CSMD1: variants seen among roughly 807,000 people sequenced by gnomAD.
CSMD1 encodes CUB and sushi domain-containing protein 1.
A neutral mutation model predicts 417.5 loss-of-function variants in CSMD1; 213 were observed. The observed-to-expected ratio is 0.51, with a 90% CI of 0.46 to 0.57. CSMD1 has a LOEUF of 0.57. Among genes scored for constraint, CSMD1 ranks in the 20% least tolerant of loss-of-function variants. CSMD1 has a pLI of 0.00. For synonymous variants in CSMD1, 2,862 were observed against 1,736.8 expected (o/e 1.65, Z -16.11); for missense variants, 6,923 against 4,529.7 (o/e 1.53, Z -15.17).
At position 4,370,748 on chromosome 8, in the gene CSMD1, G is replaced by A. The variant is rs191707084; in HGVS notation, c.415+49205C>T. ...CAGTTAATGTCACCAGTTGTGTTTC[G>A]AAATTCCTGTGGCAAATTTAATTCA... On this transcript the variant is annotated intron_variant, in intron 3 of 69. Coordinates refer to ENST00000635120, the MANE Select transcript of CSMD1 (RefSeq NM_033225.6). Among the ~76,000 whole-genome samples the A allele has an allele frequency of 1.6e-3, 240 of 152,246 alleles. 1 individual carries two copies. Among genetic ancestry groups the A allele is most frequent in the Admixed American group, 3.3e-3 (51 of 15,292 alleles).
At chr8:3,496,037 C>G (rs1435570422) in intron 10 of CSMD1, among the ~76,000 whole-genome samples, 1 of 152,164 alleles carries the variant, frequency 6.6e-6, no homozygotes, top group Non-Finnish European at 1.5e-5. Context: ...TGCATTAGCT[C>G]TTTTCCCTGA....
At chr8:4,522,192 T>A (rs1803492945) in intron 2 of CSMD1, among the ~76,000 whole-genome samples, 1 of 152,076 alleles carries the variant, frequency 6.6e-6, no homozygotes, top group Non-Finnish European at 1.5e-5. Context: ...TCGTGAGAGC[T>A]GATGATTTAT....
intron 3 of CSMD1, among the ~76,000 whole-genome samples, chr8:4,413,977 A>T (rs1796791005): frequency 6.6e-6 from 1 of 152,168 alleles, no homozygotes; most frequent in Non-Finnish European, 1.5e-5. Context: ...AATCTACAAC[A>T]ATGTTACACT....
chr8:3,704,487 G>A lies in CSMD1; in HGVS notation c.1009+3927C>T, dbSNP rs540423460. Among the ~76,000 whole-genome samples the A allele has an allele frequency of 2.6e-5, 4 of 152,326 alleles. No individual in the cohort carries two copies. The East Asian group carries it at 7.7e-4, about 29-fold the overall frequency. On this transcript the variant is annotated intron_variant, in intron 7 of 69. Transcript: ENST00000635120. ...ACCACAACAACATAAATAAGGGGTA[G>A]TTATGCAGACAGCTTTACAGATTAG...
intron 50 of CSMD1, among the ~76,000 whole-genome samples, chr8:3,044,829 G>A (rs1258557228): frequency 6.6e-6 from 1 of 152,118 alleles, no homozygotes; most frequent in South Asian, 2.1e-4. Context: ...TCAGTGTACT[G>A]ATCTACATAT....
chr8:4,285,945 T>A (rs1004663587), intron 3 of CSMD1, among the ~76,000 whole-genome samples: 1 of 152,174 alleles, frequency 6.6e-6, no homozygotes, highest in Non-Finnish European at 1.5e-5. Flanking sequence ...GGCTATGATA[T>A]ATCCGCAATG....
At chr8:4,972,205 A>G (rs1810278959) in intron 1 of CSMD1, among the ~76,000 whole-genome samples, 1 of 152,120 alleles carries the variant, frequency 6.6e-6, no homozygotes, top group African/African-American at 2.4e-5. Flanking sequence ...CTTAGTACAC[A>G]AAGATGGAAA....
intron 7 of CSMD1, among the ~76,000 whole-genome samples, chr8:3,689,957 G>T (rs1455937109): frequency 6.6e-6 from 1 of 152,224 alleles, no homozygotes; most frequent in African/African-American, 2.4e-5. Context: ...GTGCTATACA[G>T]TGTCACCAGT....
At chr8:4,449,942 A>C (rs948055239) in intron 2 of CSMD1, among the ~76,000 whole-genome samples, 5 of 152,168 alleles carry the variant, frequency 3.3e-5, no homozygotes, top group African/African-American at 9.7e-5. Flanking sequence ...GAAGATGCTC[A>C]ATTTTGCTCT....
At chr8:4,583,818 A>G in intron 2 of CSMD1, among the ~76,000 whole-genome samples, 1 of 152,184 alleles carries the variant, frequency 6.6e-6, no homozygotes, top group East Asian at 1.9e-4. Flanking sequence ...CCCAGCCAGC[A>G]GTGGCAACCC....
chr8:4,768,493 C>T lies in CSMD1; in HGVS notation c.86-130935G>A, dbSNP rs577821667. The stretch of plus-strand genomic sequence containing the variant: ...TTCTCTTAAAGGCCTTGGTGCTTAG[C>T]TCCTTAGCTGAGTTATTTGGGATGA... On this transcript the variant is annotated intron_variant, in intron 1 of 69. Transcript: ENST00000635120. Among the ~76,000 whole-genome samples, 9 of 152,316 alleles carry T rather than the reference C, an allele frequency of 5.9e-5. No individual in the cohort carries two copies. In the East Asian group the frequency reaches 1.7e-3, roughly 29 times the overall value.
chr8:3,907,092 C>T (rs1808165156), intron 5 of CSMD1, among the ~76,000 whole-genome samples: 1 of 152,142 alleles, frequency 6.6e-6, no homozygotes, highest in Non-Finnish European at 1.5e-5. Context: ...TCCCATGACT[C>T]AAAATCCCTT....
At chr8:3,654,489 AGAG>A (rs1281014873) in intron 7 of CSMD1, among the ~76,000 whole-genome samples, 3 of 152,184 alleles carry the variant, frequency 2.0e-5, no homozygotes, top group Non-Finnish European at 4.4e-5. Context: ...TTAAAAATCA[AGAG>A]GAGAGATACC....
intron 37 of CSMD1, among the ~76,000 whole-genome samples, chr8:3,167,789 A>T (rs931961892): frequency 1.3e-5 from 2 of 152,354 alleles, no homozygotes; most frequent in East Asian, 3.9e-4. Flanking sequence ...ATTAAGAATC[A>T]GAATATAACA....
intron 49 of CSMD1, among the ~76,000 whole-genome samples, chr8:3,069,259 A>G (rs1428879889): frequency 6.6e-6 from 1 of 151,738 alleles, no homozygotes; most frequent in Non-Finnish European, 1.5e-5. Flanking sequence ...CATGGTGAAC[A>G]CCCTGTCGCT....
intron 10 of CSMD1, among the ~76,000 whole-genome samples, chr8:3,551,947 G>C (rs572994683): frequency 1.3e-5 from 2 of 152,164 alleles, no homozygotes; most frequent in African/African-American, 2.4e-5. Flanking sequence ...TGAAAGATGA[G>C]GCTGCCACTG....
At chr8:4,056,201 C>T (rs949378775) in intron 3 of CSMD1, among the ~76,000 whole-genome samples, 3 of 150,128 alleles carry the variant, frequency 2.0e-5, no homozygotes, top group African/African-American at 7.3e-5. Context: ...CTTGCCTCAG[C>T]CTCCCGAGTA....
intron 29 of CSMD1, among the ~76,000 whole-genome samples, chr8:3,215,204 C>G (rs1175904586): frequency 6.6e-6 from 1 of 152,172 alleles, no homozygotes; most frequent in Admixed American, 6.5e-5. Flanking sequence ...TAACAACAGA[C>G]AGACTTAGAA....
chr8:3,737,531 T>G (rs565712744), intron 6 of CSMD1, among the ~76,000 whole-genome samples: 1 of 152,330 alleles, frequency 6.6e-6, no homozygotes, highest in East Asian at 1.9e-4. Flanking sequence ...CTGTTACTGG[T>G]TTCTTTTTAC....
Sources: gnomAD v4.1 joint callset for allele counts (sites outside exome capture counted in the v4.1 genomes callset) on GRCh38, gnomAD v4.1.1 for gene constraint, MANE v1.5 for transcripts, NCBI Gene and HGNC (gene_info 2026-07-23, HGNC 2026-07-21) for gene names.